The following BRINP3 variants were observed in gnomAD, a reference collection of about 807,000 sequenced individuals.
The protein encoded by BRINP3 is BMP/retinoic acid-inducible neural-specific protein 3.
Under a neutral mutation model 71.0 loss-of-function variants are expected in BRINP3, and 19 were observed. That is an observed-to-expected ratio of 0.27 (90% confidence interval 0.19 to 0.39). BRINP3 has a LOEUF of 0.39. BRINP3 is among the 10% of genes least tolerant of loss of function. BRINP3 has a pLI of 1.00. For missense variants in BRINP3, 959 were observed against 940.8 expected, an observed-to-expected ratio of 1.02 and a Z score of -0.25; for synonymous variants, 380 against 337.7, an observed-to-expected ratio of 1.13 and a Z score of -1.37.
At chr1:190,141,623 A>G (rs1655453011) in intron 7 of BRINP3, among the ~76,000 whole-genome samples, 1 of 124,560 alleles carries the variant, frequency 8.0e-6, no homozygotes, top group Non-Finnish European at 1.6e-5. Flanking sequence ...GTGAAGTGGC[A>G]CGATCTCCGC....
chr1:190,365,668 TTAATA>T (rs59632209), intron 2 of BRINP3, among the ~76,000 whole-genome samples: 52,082 of 144,986 alleles, frequency 0.36, 10,329 homozygotes, highest in Admixed American at 0.47. Flanking sequence ...TATATTATAA[TTAATA>T]TAATACAATA....
intron 4 of BRINP3, among the ~76,000 whole-genome samples, chr1:190,238,367 CTG>C (rs1658727178): frequency 6.6e-6 from 1 of 152,042 alleles, no homozygotes; most frequent in South Asian, 2.1e-4. Context: ...ACTACATACT[CTG>C]TTTTTTAAAA....
At chr1:190,208,125 T>A (rs140909114) in intron 6 of BRINP3, among the ~76,000 whole-genome samples, 2,404 of 151,842 alleles carry the variant, frequency 0.016, 78 homozygotes, top group African/African-American at 0.054. Context: ...TTTTTTTTTT[T>A]ATTTTTTTTA....
At chr1:190,367,066 C>G (rs1669550410) in intron 2 of BRINP3, among the ~76,000 whole-genome samples, 1 of 152,204 alleles carries the variant, frequency 6.6e-6, no homozygotes, top group South Asian at 2.1e-4. Flanking sequence ...CACAGCTCCA[C>G]TGGGTAGTGC....
intron 2 of BRINP3, among the ~76,000 whole-genome samples, chr1:190,360,634 T>C (rs558801089): frequency 6.6e-6 from 1 of 152,280 alleles, no homozygotes; most frequent in Admixed American, 6.5e-5. Flanking sequence ...TAATACCATA[T>C]GACAATTTTA....
chr1:190,309,497 T>G (rs1665368126), intron 2 of BRINP3, among the ~76,000 whole-genome samples: 1 of 151,874 alleles, frequency 6.6e-6, no homozygotes, highest in African/African-American at 2.4e-5. Flanking sequence ...AAACATGATT[T>G]CGGCATATAT....
chr1:190,117,964 C>G (rs1653290890), intron 7 of BRINP3, among the ~76,000 whole-genome samples: 1 of 151,780 alleles, frequency 6.6e-6, no homozygotes, highest in South Asian at 2.1e-4. Context: ...TATCATTTAA[C>G]TTGTTCTTAC....
At chr1:190,459,975 T>G (rs1044277817) in intron 1 of BRINP3, among the ~76,000 whole-genome samples, 2 of 151,962 alleles carry the variant, frequency 1.3e-5, no homozygotes, top group African/African-American at 4.8e-5. Context: ...TCATAAATTT[T>G]TAAGTATTGG....
chr1:190,141,602 C>G (rs1289862519), intron 7 of BRINP3, among the ~76,000 whole-genome samples: 3 of 139,758 alleles, frequency 2.1e-5, no homozygotes, highest in Non-Finnish European at 4.6e-5. Context: ...TGCTCTGTCA[C>G]CCAGGCTAGT....
At chr1:190,167,600 A>G (rs2102484913) in intron 6 of BRINP3, among the ~76,000 whole-genome samples, 1 of 152,298 alleles carries the variant, frequency 6.6e-6, no homozygotes, top group East Asian at 1.9e-4. Flanking sequence ...GGGCTTCAAA[A>G]CAAGCTTTGA....
chr1:190,358,605 G>A (rs867667629), intron 2 of BRINP3, among the ~76,000 whole-genome samples: 3 of 152,106 alleles, frequency 2.0e-5, no homozygotes, highest in East Asian at 1.9e-4. Context: ...TCAGTGTGGC[G>A]ATTCCTCAAG....
In BRINP3 at chr1:190,448,464, T is replaced by TGTGG. The variant is rs749784006; in HGVS notation, c.236+6190_236+6191insCCAC. Among the ~76,000 whole-genome samples, 368 of 80,248 alleles carry TGTGG rather than the reference T, an allele frequency of 4.6e-3. 2 individuals are homozygous for TGTGG. The highest frequency in any genetic ancestry group is 8.4e-3 in the Non-Finnish European group (278 of 33,284). The allele number at this position is 80,248 out of a possible 152,430, so 52.6% of individuals were successfully genotyped here. ...TCTTAACACCCCTACACTTGGGGTT[T>TGTGG]GTGTGTGTGTGTGTGTGTGTGTGTG... On this transcript the variant is annotated intron_variant, in intron 2 of 7. Coordinates refer to ENST00000367462, the MANE Select transcript of BRINP3 (RefSeq NM_199051.3).
At chr1:190,331,146 T>C (rs1299925673) in intron 2 of BRINP3, among the ~76,000 whole-genome samples, 2 of 152,048 alleles carry the variant, frequency 1.3e-5, no homozygotes, top group Non-Finnish European at 2.9e-5. Context: ...TCATCTCACA[T>C]TCTCCTCTCC....
At chr1:190,346,964 T>C (rs1436936659) in intron 2 of BRINP3, among the ~76,000 whole-genome samples, 1 of 152,082 alleles carries the variant, frequency 6.6e-6, no homozygotes, top group Non-Finnish European at 1.5e-5. Context: ...TCAATAAATA[T>C]GATTCATTAA....
At chr1:190,387,565 A>G (rs1670991062) in intron 2 of BRINP3, among the ~76,000 whole-genome samples, 1 of 151,896 alleles carries the variant, frequency 6.6e-6, no homozygotes, top group Admixed American at 6.6e-5. Context: ...CTGTAGTTGG[A>G]GCTGTATGAG....
At chr1:190,374,346 T>C (rs955635128) in intron 2 of BRINP3, among the ~76,000 whole-genome samples, 1 of 152,114 alleles carries the variant, frequency 6.6e-6, no homozygotes, top group Admixed American at 6.5e-5. Context: ...AAAAATCATA[T>C]AGATGACATG....
chr1:190,202,521 T>C (rs1655093336), intron 6 of BRINP3, among the ~76,000 whole-genome samples: 1 of 152,132 alleles, frequency 6.6e-6, no homozygotes, highest in Admixed American at 6.5e-5. Context: ...ATACACGATT[T>C]GGGAGGGGCA....
intron 2 of BRINP3, among the ~76,000 whole-genome samples, chr1:190,452,444 T>A (rs1194545193): frequency 6.6e-6 from 1 of 152,200 alleles, no homozygotes; most frequent in Non-Finnish European, 1.5e-5. Flanking sequence ...GGAAGTGAGT[T>A]GCATAAAAAC....
chr1:190,402,762 C>T (rs1672012479), intron 2 of BRINP3, among the ~76,000 whole-genome samples: 1 of 152,110 alleles, frequency 6.6e-6, no homozygotes, highest in African/African-American at 2.4e-5. Context: ...AGACAGGTCT[C>T]ATTCTGTCCC....
Sources: gnomAD v4.1 joint callset for allele counts (sites outside exome capture counted in the v4.1 genomes callset) on GRCh38, gnomAD v4.1.1 for gene constraint, MANE v1.5 for transcripts, NCBI Gene and HGNC (gene_info 2026-07-23, HGNC 2026-07-21) for gene names.